The following HDAC9 variants were observed in gnomAD, a reference collection of about 807,000 sequenced individuals.
The protein encoded by HDAC9 is histone deacetylase 9.
A neutral mutation model predicts 139.4 loss-of-function variants in HDAC9; 41 were observed. The observed-to-expected ratio is 0.29, with a 90% CI of 0.23 to 0.38. HDAC9 has a LOEUF of 0.38. HDAC9 is among the 10% of genes least tolerant of loss of function. HDAC9 has a pLI of 1.00. For missense variants in HDAC9, 1,147 were observed against 1,297.0 expected, an observed-to-expected ratio of 0.88 and a Z score of 1.78; for synonymous variants, 517 against 476.2, an observed-to-expected ratio of 1.09 and a Z score of -1.12.
At chr7:18,801,792 A>C (rs867460328) in intron 17 of HDAC9, among the ~76,000 whole-genome samples, 3 of 152,020 alleles carry the variant, frequency 2.0e-5, no homozygotes, top group Admixed American at 6.6e-5. Flanking sequence ...TTTTGAGTCA[A>C]TTTAGGAGTG....
At chr7:18,967,484 G>GTAAA (rs1177765444) in intron 24 of HDAC9, among the ~76,000 whole-genome samples, 15 of 130,772 alleles carry the variant, frequency 1.1e-4, no homozygotes, top group African/African-American at 4.4e-4. Flanking sequence ...CAAAATTTTT[G>GTAAA]TAAATAAAGT....
intron 12 of HDAC9, among the ~76,000 whole-genome samples, chr7:18,681,766 C>G (rs1037746921): frequency 1.3e-5 from 2 of 151,982 alleles, no homozygotes; most frequent in Non-Finnish European, 2.9e-5. Flanking sequence ...TTAAGTCACA[C>G]AGAGCATCCA....
At chr7:18,945,800 A>C (rs1782340871) in intron 23 of HDAC9, among the ~76,000 whole-genome samples, 1 of 152,016 alleles carries the variant, frequency 6.6e-6, no homozygotes, top group South Asian at 2.1e-4. Context: ...GCACTTTGGG[A>C]GGCCAAGGTG....
At chr7:18,337,844 T>G (rs2128656709) in intron 1 of HDAC9, among the ~76,000 whole-genome samples, 1 of 151,904 alleles carries the variant, frequency 6.6e-6, no homozygotes, top group African/African-American at 2.4e-5. Flanking sequence ...CATCTATTTT[T>G]GTATAAAAAT....
chr7:18,818,165 A>T (rs1794706286), intron 17 of HDAC9, among the ~76,000 whole-genome samples: 1 of 152,220 alleles, frequency 6.6e-6, no homozygotes, highest in Admixed American at 6.5e-5. Context: ...CTTGCTTTTG[A>T]TAAATATTAT....
chr7:18,998,756 T>C lies in HDAC9; in HGVS notation c.*2694T>C, dbSNP rs1484127136. 2.0e-5 allele frequency: 3 copies of C among 152,222 alleles called. No homozygotes were observed. The highest frequency in any genetic ancestry group is 2.9e-5 in the Non-Finnish European group (2 of 68,034). The allele number at this position is 152,222 out of a possible 1,614,324, so 9.4% of individuals were successfully genotyped here. A position where few individuals can be genotyped will look rare whatever the true frequency, so the allele number is the denominator to read the frequency against. On this transcript the variant is annotated 3_prime_UTR_variant, in exon 26 of 26. Coordinates refer to ENST00000686413, the MANE Select transcript of HDAC9 (RefSeq NM_178425.4). ...TCAATTTTGCATCTCCTTGTGATAC[T>C]TACTTTGAAGGAAAATCACATACGC...
chr7:18,229,372 G>T (rs302154), intron 2 of HDAC9, among the ~76,000 whole-genome samples: 6,187 of 152,246 alleles, frequency 0.041, 180 homozygotes, highest in African/African-American at 0.069. Context: ...TATCTTTTGT[G>T]CCTAGCACAG....
intron 6 of HDAC9, among the ~76,000 whole-genome samples, chr7:18,597,397 A>T (rs1221502223): frequency 6.6e-6 from 1 of 152,186 alleles, no homozygotes; most frequent in Admixed American, 6.5e-5. Flanking sequence ...TGATAGGAAA[A>T]TTTGGAATAT....
intron 1 of HDAC9, among the ~76,000 whole-genome samples, chr7:18,108,490 T>A (rs1783379266): frequency 6.6e-6 from 1 of 152,214 alleles, no homozygotes; most frequent in Admixed American, 6.5e-5. Context: ...AATTAGCTGT[T>A]TAAAGCTCAG....
rs538157900 is a variant in HDAC9 at position 18,190,215 on chromosome 7, G to A, written c.25+27866G>A. On this transcript the variant is annotated intron_variant, in intron 2 of 12. Transcript: ENST00000417496. ...CAATCTTACCCTCGCAAAGTGCTGG[G>A]ATTACAGGCGTGAGCCACCACGCCC... Among the ~76,000 whole-genome samples the A allele has an allele frequency of 4.6e-5, 7 of 152,212 alleles. No homozygotes were observed. The South Asian group carries it at 1.5e-3, about 32-fold the overall frequency.
At chr7:18,289,760 T>C (rs1045294315), upstream of HDAC9, among the ~76,000 whole-genome samples, 2 of 152,166 alleles carry the variant, frequency 1.3e-5, no homozygotes, top group Non-Finnish European at 2.9e-5. Flanking sequence ...GCAAAATCAT[T>C]TTATTTCATT....
At chr7:18,848,640 A>G (rs984898564) in intron 21 of HDAC9, among the ~76,000 whole-genome samples, 11 of 152,078 alleles carry the variant, frequency 7.2e-5, no homozygotes, top group Non-Finnish European at 1.5e-4. Flanking sequence ...AACTAAGTTT[A>G]TGTTGTTTAA....
At chr7:18,661,930 A>C (rs1201031053) in intron 11 of HDAC9, among the ~76,000 whole-genome samples, 1 of 152,134 alleles carries the variant, frequency 6.6e-6, no homozygotes, top group Non-Finnish European at 1.5e-5. Flanking sequence ...AATACTGACC[A>C]GATTTGATTA....
At chr7:18,530,704 G>A (rs553722931) in intron 2 of HDAC9, among the ~76,000 whole-genome samples, 1 of 151,712 alleles carries the variant, frequency 6.6e-6, no homozygotes, top group African/African-American at 2.4e-5. Flanking sequence ...CCAGCTTCCT[G>A]AGGGATTTCC....
At chr7:18,590,295 T>C in intron 3 of HDAC9, 41 bp from the exon 4 acceptor site, 1 of 1,605,698 alleles carries the variant, frequency 6.2e-7, no homozygotes, top group Non-Finnish European at 8.5e-7. Flanking sequence ...CTATGAAGCC[T>C]AAAGAAATTG....
chr7:18,274,018 C>A (rs2108518), intron 2 of HDAC9, among the ~76,000 whole-genome samples: 126,867 of 152,140 alleles, frequency 0.83, 53,089 homozygotes, highest in East Asian at 0.97. Flanking sequence ...AAAATTTCAC[C>A]TATATATGTA....
chr7:18,197,328 A>G (rs1290176535), intron 2 of HDAC9, among the ~76,000 whole-genome samples: 1 of 152,202 alleles, frequency 6.6e-6, no homozygotes, highest in East Asian at 1.9e-4. Flanking sequence ...GAGTTGAGAA[A>G]GGAATTAACA....
chr7:18,439,292 C>G (rs1046779716), intron 1 of HDAC9, among the ~76,000 whole-genome samples: 14 of 152,146 alleles, frequency 9.2e-5, no homozygotes, highest in African/African-American at 3.4e-4. Context: ...CTCATTGTCT[C>G]TAATTCTAAA....
chr7:18,270,567 G>A (rs1037507726), intron 2 of HDAC9, among the ~76,000 whole-genome samples: 6 of 151,936 alleles, frequency 3.9e-5, no homozygotes, highest in Admixed American at 1.3e-4. Flanking sequence ...AAGTTTAAAC[G>A]TTATTTTTTC....
Sources: gnomAD v4.1 joint callset for allele counts (sites outside exome capture counted in the v4.1 genomes callset) on GRCh38, gnomAD v4.1.1 for gene constraint, MANE v1.5 for transcripts, NCBI Gene and HGNC (gene_info 2026-07-23, HGNC 2026-07-21) for gene names.